The following CLEC4A variants were observed in gnomAD, a reference collection of about 807,000 sequenced individuals.
CLEC4A encodes the protein C-type lectin domain family 4 member A, also known as C-type (calcium dependent, carbohydrate-recognition domain) lectin, superfamily member 6.
CLEC4A carries 27 observed loss-of-function variants against 32.7 expected under a neutral mutation model. The ratio of observed to expected loss-of-function variants is 0.83; its 90% CI spans 0.61 to 1.14. CLEC4A has a LOEUF of 1.14. Ranked by LOEUF, CLEC4A falls within the 50% of genes most tolerant of loss-of-function variation. The pLI, the probability that CLEC4A is intolerant of heterozygous loss-of-function variation, is 0.00. For missense variants in CLEC4A, 253 were observed against 274.6 expected (o/e 0.92, Z 0.55); for synonymous variants, 89 against 93.7 (o/e 0.95, Z 0.29).
chr12:8,134,372 C>G, intron 3 of CLEC4A: 1 of 1,613,148 alleles, frequency 6.2e-7, no homozygotes, highest in African/African-American at 1.3e-5. Context: ...GTGTATATCC[C>G]AGGGTGATCC....
chr12:8,126,474 C>T (rs1947904391), intron 2 of CLEC4A, among the ~76,000 whole-genome samples: 1 of 151,572 alleles, frequency 6.6e-6, no homozygotes, highest in African/African-American at 2.4e-5. Context: ...CCTACCTCAG[C>T]CTCCTAACGT....
intron 2 of CLEC4A, among the ~76,000 whole-genome samples, chr12:8,126,552 C>A (rs572519692): frequency 4.3e-4 from 66 of 151,972 alleles, no homozygotes; most frequent in Non-Finnish European, 6.0e-4. Flanking sequence ...AAGCAGTATA[C>A]ATTTAGGTAG....
Position 8,128,300 on chromosome 12 carries a change from A to G in CLEC4A, c.200-964A>G, listed in dbSNP as rs184377407. On this transcript the variant is annotated intron_variant, in intron 2 of 5. Transcript: ENST00000229332. ...GAGGACTAAGTAACCCTAGGATATT[A>G]CTGAGGATCCACTTTAGGGATGGTT... Among the ~76,000 whole-genome samples the G allele has an allele frequency of 7.9e-5, 12 of 152,258 alleles. No individual in the cohort carries two copies. In the East Asian group the frequency reaches 1.5e-3, roughly 20 times the overall value.
chr12:8,125,234 T>A (rs1181167203), intron 1 of CLEC4A, among the ~76,000 whole-genome samples: 1 of 152,148 alleles, frequency 6.6e-6, no homozygotes, highest in Non-Finnish European at 1.5e-5. Context: ...GTATTTATGG[T>A]ATGTCAATCG....
At chr12:8,106,021 G>A in the CLEC4A span, among the ~76,000 whole-genome samples, 3 of 152,070 alleles carry the variant, frequency 2.0e-5, no homozygotes, top group Non-Finnish European at 4.4e-5. Flanking sequence ...ATAGTTTTAT[G>A]TTTTATATTT....
At chr12:8,114,411 A>C in the CLEC4A span, among the ~76,000 whole-genome samples, 1 of 151,944 alleles carries the variant, frequency 6.6e-6, no homozygotes, top group South Asian at 2.1e-4. Context: ...CGCCCGGCTA[A>C]TTTTTTGTAG....
At chr12:8,117,312 C>T in the CLEC4A span, among the ~76,000 whole-genome samples, 1 of 151,728 alleles carries the variant, frequency 6.6e-6, no homozygotes, top group Non-Finnish European at 1.5e-5. Context: ...GATCTCGGCT[C>T]ACTGCAACCT....
intron 4 of CLEC4A, among the ~76,000 whole-genome samples, 180 bp from the exon 5 acceptor site, chr12:8,136,608 C>G (rs945056238): frequency 6.6e-6 from 1 of 151,332 alleles, no homozygotes; most frequent in Non-Finnish European, 1.5e-5. Context: ...TACTGAACAT[C>G]ATGCTTACAA....
intron 2 of CLEC4A, among the ~76,000 whole-genome samples, chr12:8,127,472 A>G (rs1208493239): frequency 6.6e-6 from 1 of 152,234 alleles, no homozygotes; most frequent in Non-Finnish European, 1.5e-5. Flanking sequence ...AGCAGTGTAG[A>G]TACAGGGTAT....
chr12:8,136,043 C>T (rs1303294953), intron 4 of CLEC4A, among the ~76,000 whole-genome samples: 1 of 152,032 alleles, frequency 6.6e-6, no homozygotes, highest in East Asian at 1.9e-4. Flanking sequence ...TGATTAACTA[C>T]TTAACAAAGA....
Position 8,125,778 on chromosome 12 carries a change from A to C in CLEC4A, c.199+101A>C. 3 of 714,180 alleles carry C rather than the reference A, an allele frequency of 4.2e-6. No individual in the cohort carries two copies. The South Asian group carries it at 5.6e-5, about 13-fold the overall frequency. 44.2% of individuals were successfully genotyped at this position (714,180 alleles called of 1,614,324 possible). On this transcript the variant is annotated intron_variant, in intron 2 of 5. Transcript: ENST00000229332. ...GAAAATGAGCTTATCCAGAAATCTG[A>C]AATGAAATTTTCTCTGGGGAGACAT...
chr12:8,134,900 A>G (rs1265629145), intron 3 of CLEC4A: 2 of 1,455,548 alleles, frequency 1.4e-6, no homozygotes, highest in Non-Finnish European at 9.1e-7. Context: ...TTTTCTTTAT[A>G]TCTTCTAGTT....
rs985676274 is a variant in CLEC4A, at chr12:8,126,015, G to A, written c.199+338G>A. The stretch of plus-strand genomic sequence containing the variant: ...TATGTTTCCTTGGTAGCATTTATCA[G>A]GCCAGTCTGATTTGAATGCACAGAC... On this transcript the variant is annotated intron_variant, in intron 2 of 5. Transcript: ENST00000229332. Among the ~76,000 whole-genome samples, 4 of 152,208 alleles carry A rather than the reference G, an allele frequency of 2.6e-5. No individual in the cohort carries two copies. The South Asian group carries it at 6.2e-4, about 24-fold the overall frequency.
chr12:8,134,938 T>G, intron 3 of CLEC4A: 1 of 1,377,144 alleles, frequency 7.3e-7, no homozygotes. Context: ...AGTTTTTCAT[T>G]TGTTTCAAGC....
At chr12:8,123,597 C>T (rs1947853059), upstream of CLEC4A, 4 of 273,042 alleles carry the variant, frequency 1.5e-5, no homozygotes, top group Admixed American at 1.1e-4. Flanking sequence ...TTTGAGTTCC[C>T]ACTTTTATTG....
chr12:8,113,987 G>A, the CLEC4A span, among the ~76,000 whole-genome samples: 2 of 152,166 alleles, frequency 1.3e-5, no homozygotes, highest in Non-Finnish European at 1.5e-5. Context: ...GTTCTGTACA[G>A]GGGGCATTCG....
chr12:8,129,226 C>T, intron 2 of CLEC4A, 38 bp from the exon 3 acceptor site: 6 of 1,306,146 alleles, frequency 4.6e-6, no homozygotes, highest in Non-Finnish European at 6.5e-6. Flanking sequence ...AGTCATAATG[C>T]TACCAGGAAA....
At chr12:8,119,300 C>G (rs1002077488), upstream of CLEC4A, among the ~76,000 whole-genome samples, 1 of 152,244 alleles carries the variant, frequency 6.6e-6, no homozygotes, top group Non-Finnish European at 1.5e-5. Context: ...TCTCAGTTCA[C>G]TGCAACTTCT....
chr12:8,129,171 G>GT, intron 2 of CLEC4A, 93 bp from the exon 3 acceptor site: 1 of 773,512 alleles, frequency 1.3e-6, no homozygotes, highest in Non-Finnish European at 2.1e-6. Context: ...GCATTTGTAA[G>GT]TTTTATTTCA....
Sources: gnomAD v4.1 joint callset for allele counts (sites outside exome capture counted in the v4.1 genomes callset) on GRCh38, gnomAD v4.1.1 for gene constraint, MANE v1.5 for transcripts, NCBI Gene and HGNC (gene_info 2026-07-23, HGNC 2026-07-21) for gene names.